BABAM2: variants seen among roughly 807,000 people sequenced by gnomAD.
The protein encoded by BABAM2 is BRISC and BRCA1 A complex member 2, also known as BRISC and BRCA1-A complex member 2.
A neutral mutation model predicts 54.7 loss-of-function variants in BABAM2; 31 were observed. The observed-to-expected ratio is 0.57, with a 90% CI of 0.43 to 0.77. The LOEUF (loss-of-function observed/expected upper bound fraction) is 0.77, where lower values mean the gene tolerates loss of function less well. Among genes scored for constraint, BABAM2 ranks in the 30% least tolerant of loss-of-function variants. The pLI is 0.00. For synonymous variants in BABAM2, 167 were observed against 162.9 expected, an observed-to-expected ratio of 1.03 and a Z score of -0.19; for missense variants, 364 against 455.8, an observed-to-expected ratio of 0.80 and a Z score of 1.83.
At chr2:28,029,634 C>T (rs1233941304) in intron 5 of BABAM2, among the ~76,000 whole-genome samples, 1 of 152,118 alleles carries the variant, frequency 6.6e-6, no homozygotes, top group Non-Finnish European at 1.5e-5. Context: ...TACCTCTTGG[C>T]TATTGTGAAT....
chr2:28,094,328 C>G (rs1666415075), intron 6 of BABAM2, among the ~76,000 whole-genome samples: 1 of 151,896 alleles, frequency 6.6e-6, no homozygotes, highest in African/African-American at 2.4e-5. Flanking sequence ...CTCAATACAT[C>G]TTTATTGGAT....
chr2:28,034,930 A>G lies in BABAM2; in HGVS notation c.495+9510A>G, dbSNP rs188807176. ...TACCTTAATGTCGGGATTAACGTTA[A>G]TGGGAAAATGTCTAGAACTATGCTG... On this transcript the variant is annotated intron_variant, in intron 5 of 11. Coordinates refer to ENST00000379624, the MANE Select transcript of BABAM2 (RefSeq NM_199191.3). 5.9e-5 allele frequency among the ~76,000 whole-genome samples: 9 copies of G among 152,192 alleles called. No individual in the cohort carries two copies. In the East Asian group the frequency reaches 1.7e-3, roughly 29 times the overall value.
intron 7 of BABAM2, among the ~76,000 whole-genome samples, chr2:28,198,531 A>ACCAAAGAGTGTTCTT (rs1239815010): frequency 2.6e-5 from 4 of 152,066 alleles, no homozygotes; most frequent in African/African-American, 9.7e-5. Context: ...AAAACCATCA[A>ACCAAAGAGTGTTCTT]CCAAAGAGTG....
At chr2:28,022,568 G>C (rs1347160442) in intron 4 of BABAM2, among the ~76,000 whole-genome samples, 1 of 152,088 alleles carries the variant, frequency 6.6e-6, no homozygotes. Context: ...CTCTGAATGC[G>C]TTTTTCATTC....
chr2:28,012,648 G>A (rs1427063903), intron 4 of BABAM2, among the ~76,000 whole-genome samples: 2 of 152,164 alleles, frequency 1.3e-5, no homozygotes, highest in East Asian at 3.8e-4. Context: ...CGGTGCTTAT[G>A]TTCAATAATT....
At chr2:27,999,416 A>G (rs1267620036) in intron 4 of BABAM2, among the ~76,000 whole-genome samples, 2 of 152,190 alleles carry the variant, frequency 1.3e-5, no homozygotes, top group Admixed American at 1.3e-4. Context: ...CAAGGATGGC[A>G]TATTGGAAGC....
At chr2:28,301,832 G>A (rs1267375850) in intron 11 of BABAM2, among the ~76,000 whole-genome samples, 1 of 152,100 alleles carries the variant, frequency 6.6e-6, no homozygotes, top group Non-Finnish European at 1.5e-5. Flanking sequence ...CAAACCATGA[G>A]TACTTTGAAG....
At chr2:28,025,556 G>T in intron 5 of BABAM2, 136 bp downstream of exon 5, 1 of 804,536 alleles carries the variant, frequency 1.2e-6, no homozygotes, top group South Asian at 2.7e-5. Context: ...TCATAATTTA[G>T]AGTTTAAAGA....
chr2:28,153,078 C>G (rs939629595), intron 7 of BABAM2, among the ~76,000 whole-genome samples: 1 of 152,152 alleles, frequency 6.6e-6, no homozygotes, highest in Non-Finnish European at 1.5e-5. Flanking sequence ...GTGAGTAACA[C>G]TTTGATACAT....
intron 6 of BABAM2, among the ~76,000 whole-genome samples, chr2:28,083,479 T>C (rs1665361705): frequency 1.3e-5 from 2 of 152,212 alleles, no homozygotes. Context: ...TTTGGGCCCT[T>C]TGTATGGCTT....
intron 6 of BABAM2, among the ~76,000 whole-genome samples, chr2:28,087,799 C>T (rs1215119091): frequency 6.6e-6 from 1 of 152,094 alleles, no homozygotes; most frequent in Non-Finnish European, 1.5e-5. Flanking sequence ...CAGGCGTGCG[C>T]CACTATGCCC....
chr2:28,196,326 A>T (rs1432252853), intron 7 of BABAM2, among the ~76,000 whole-genome samples: 2 of 124,986 alleles, frequency 1.6e-5, no homozygotes, highest in Admixed American at 8.3e-5. Flanking sequence ...GACTCCATAT[A>T]AAAAAAAAAT....
intron 6 of BABAM2, among the ~76,000 whole-genome samples, chr2:28,115,436 C>G (rs1237804642): frequency 6.6e-6 from 1 of 151,952 alleles, no homozygotes; most frequent in East Asian, 1.9e-4. Context: ...ACCATCCTGG[C>G]TAACACGATG....
At position 28,025,237 on chromosome 2, in the gene BABAM2, C is replaced by A. The variant is rs777093700; in HGVS notation, c.312C>A (p.Ser104=). Residue 104 remains serine, a synonymous_variant, in exon 5 of 12, where the codon TCC becomes TCA. Coordinates refer to ENST00000379624, the MANE Select transcript of BABAM2 (RefSeq NM_199191.3). ...TACGACTTCTACAGAATCTTGCCTC[C>A]TGGAATCCTTCAAATCCTGAATGTC... ...PDPSALQNLA[S]WNPSNPECLL... 7 of 1,589,768 alleles carry A rather than the reference C, an allele frequency of 4.4e-6. No homozygotes were observed. In the Admixed American group the frequency reaches 5.7e-5, roughly 13 times the overall value.
At chr2:27,937,139 A>G (rs1668543683) in intron 3 of BABAM2, among the ~76,000 whole-genome samples, 1 of 152,222 alleles carries the variant, frequency 6.6e-6, no homozygotes, top group Non-Finnish European at 1.5e-5. Flanking sequence ...AACCAAACCC[A>G]GAATGTCTTT....
chr2:27,927,255 T>TG (rs1429112349), intron 2 of BABAM2, among the ~76,000 whole-genome samples: 3 of 152,162 alleles, frequency 2.0e-5, no homozygotes, highest in Non-Finnish European at 4.4e-5. Flanking sequence ...AAAAACAATT[T>TG]GTCATTGAAG....
At chr2:28,157,125 T>G (rs142564031) in intron 7 of BABAM2, among the ~76,000 whole-genome samples, 2,019 of 152,334 alleles carry the variant, frequency 0.013, 29 homozygotes, top group South Asian at 0.05. Flanking sequence ...GTGTGGAAAA[T>G]TTCTGTGTCT....
At chr2:27,994,507 G>A (rs560021786) in intron 4 of BABAM2, among the ~76,000 whole-genome samples, 15 of 152,250 alleles carry the variant, frequency 9.9e-5, no homozygotes, top group African/African-American at 3.6e-4. Context: ...TAAACACTAT[G>A]CTGACTTATG....
intron 4 of BABAM2, among the ~76,000 whole-genome samples, chr2:28,020,177 C>T (rs2148552233): frequency 6.6e-6 from 1 of 152,272 alleles, no homozygotes; most frequent in Middle Eastern, 3.4e-3. Context: ...ACGGTTATGG[C>T]ACTGGCTAAC....
Sources: allele counts gnomAD v4.1 joint callset (sites outside exome capture counted in the v4.1 genomes callset), GRCh38; gene constraint gnomAD v4.1.1; transcripts MANE v1.5; gene names NCBI Gene and HGNC (gene_info 2026-07-23, HGNC 2026-07-21).